The following ZFYVE28 variants were observed in gnomAD, a reference collection of about 807,000 sequenced individuals.
The protein encoded by ZFYVE28 is zinc finger FYVE-type containing 28, also known as lateral signaling target protein 2 homolog.
In ZFYVE28, 40 loss-of-function variants were observed where a neutral mutation model predicts 82.1. That is an observed-to-expected ratio of 0.49 (90% CI 0.38 to 0.63). The LOEUF is 0.63. Among genes scored for constraint, ZFYVE28 ranks in the 30% least tolerant of loss-of-function variants. The pLI is 0.00. For synonymous variants in ZFYVE28, 612 were observed against 546.1 expected, an observed-to-expected ratio of 1.12 and a Z score of -1.68; for missense variants, 1,321 against 1,242.1, an observed-to-expected ratio of 1.06 and a Z score of -0.96.
At chr4:2,301,447 A>G (rs1478792794) in intron 8 of ZFYVE28, among the ~76,000 whole-genome samples, 1 of 152,114 alleles carries the variant, frequency 6.6e-6, no homozygotes, top group Non-Finnish European at 1.5e-5. Context: ...GATCCTCAGC[A>G]CTGCCAGAAA....
chr4:2,296,878 T>C (rs1714652519), intron 8 of ZFYVE28, among the ~76,000 whole-genome samples: 1 of 151,702 alleles, frequency 6.6e-6, no homozygotes, highest in South Asian at 2.1e-4. Flanking sequence ...CTCAGCCTTC[T>C]ACCTGGAGGC....
At chr4:2,330,637 G>C (rs914631900) in intron 6 of ZFYVE28, 5 of 1,388,030 alleles carry the variant, frequency 3.6e-6, no homozygotes. Flanking sequence ...ATAGAGGAGG[G>C]GACAGTGTAG....
rs1285318791 is a variant in ZFYVE28 at position 2,332,337 on chromosome 4, G to T, written c.701+3368C>A. ...CTGCAGAAGTTCCTGCGGCCCCCTG[G>T]TCCTTGCTCGAGCCCTGGACTTGCC... On this transcript the variant is annotated intron_variant, in intron 6 of 12. Transcript: ENST00000290974. The surrounding 1 kb of genome is among the most constrained non-coding windows in gnomAD (Gnocchi z 4.7). 6.6e-6 allele frequency among the ~76,000 whole-genome samples: 1 copy of T among 152,122 alleles called. No homozygotes were observed. The highest frequency in any genetic ancestry group is 1.9e-4 in the East Asian group (1 of 5,198).
intron 7 of ZFYVE28, among the ~76,000 whole-genome samples, chr4:2,308,767 G>C (rs61789419): frequency 0.25 from 37,877 of 151,316 alleles, 5,731 homozygotes; most frequent in Middle Eastern, 0.39. Context: ...GAGAGAAAGA[G>C]GGAGGGAGGA....
intron 2 of ZFYVE28, among the ~76,000 whole-genome samples, chr4:2,352,527 G>A (rs1223342098): frequency 1.3e-5 from 2 of 151,734 alleles, no homozygotes; most frequent in Non-Finnish European, 2.9e-5. Context: ...GCCCGAATCA[G>A]ATGATGCTGA....
intron 6 of ZFYVE28, chr4:2,329,081 T>C (rs1720297663): frequency 2.9e-6 from 2 of 694,902 alleles, no homozygotes; most frequent in Non-Finnish European, 5.3e-6. Context: ...TTTTTCAATA[T>C]TGTTTTGGCT....
At chr4:2,337,059 T>G (rs1721931346) in intron 5 of ZFYVE28, among the ~76,000 whole-genome samples, 4 of 142,956 alleles carry the variant, frequency 2.8e-5, no homozygotes, top group South Asian at 2.3e-4. Flanking sequence ...AGTGAGGGGG[T>G]GAGGAAGGTG....
intron 1 of ZFYVE28, chr4:2,364,618 T>G (rs1450221979): frequency 1.0e-6 from 1 of 985,336 alleles, no homozygotes; most frequent in Non-Finnish European, 1.2e-6. Context: ...TGGCCGCCTG[T>G]CCCCTCTGAT....
At chr4:2,306,220 G>C (rs138090244) in intron 7 of ZFYVE28, among the ~76,000 whole-genome samples, 2 of 152,248 alleles carry the variant, frequency 1.3e-5, no homozygotes, top group African/African-American at 4.8e-5. Context: ...GAAGCTCCTG[G>C]AGCAGGCTCC....
chr4:2,418,383 G>T lies in ZFYVE28; in HGVS notation c.-60C>A, dbSNP rs981568235. ...CTCGCCCTCCGCAGCGCTGCGCCCG[G>T]GCCCGGCTGAGGCGCGGGGCGGACG... On this transcript the variant is annotated 5_prime_UTR_variant, in exon 1 of 13. Coordinates refer to ENST00000290974, the MANE Select transcript of ZFYVE28 (RefSeq NM_020972.3). The surrounding 1 kb of genome is among the most constrained non-coding windows in gnomAD (Gnocchi z 4.6). The T allele has an allele frequency of 2.2e-5, 27 of 1,237,414 alleles. No individual in the cohort carries two copies. The African/African-American group carries it at 2.2e-4, about 10-fold the overall frequency. The allele number at this position is 1,237,414 out of a possible 1,614,324, so 76.7% of individuals were successfully genotyped here.
In ZFYVE28 at chr4:2,271,304, C is replaced by T; in HGVS notation, c.2532+7G>A. On this transcript the variant is annotated splice_region_variant and intron_variant, in intron 12 of 12. Transcript: ENST00000290974. Reference sequence around the variant, plus strand: ...GAGGGACCCTCCGTGCAAGGGGTCTCACCCACCTTCCCACAGCTGCGGCAG... The same window carrying T: ...GAGGGACCCTCCGTGCAAGGGGTCTTACCCACCTTCCCACAGCTGCGGCAG... 1 of 1,612,224 alleles carries T rather than the reference C, an allele frequency of 6.2e-7. No homozygotes were observed. The highest frequency in any genetic ancestry group is 8.5e-7 in the Non-Finnish European group (1 of 1,179,654).
At chr4:2,311,963 A>G (rs1717528919) in intron 7 of ZFYVE28, among the ~76,000 whole-genome samples, 1 of 152,218 alleles carries the variant, frequency 6.6e-6, no homozygotes, top group African/African-American at 2.4e-5. Context: ...TGTTGTTTTA[A>G]TATGTTAAAG....
At position 2,407,270 on chromosome 4, in the gene ZFYVE28, G is replaced by A. The variant is rs191524099; in HGVS notation, c.39+11015C>T. On this transcript the variant is annotated intron_variant, in intron 1 of 12. Transcript: ENST00000290974. ...TGTCTTCCATTTTGCTCTCCTCCAC[G>A]AACGACAGCTTAGCTAAGCCCAGAA... Among the ~76,000 whole-genome samples the A allele has an allele frequency of 1.1e-4, 16 of 152,096 alleles. 1 individual carries two copies. In the South Asian group the frequency reaches 2.5e-3, roughly 24 times the overall value.
intron 8 of ZFYVE28, among the ~76,000 whole-genome samples, chr4:2,283,726 C>T (rs745961959): frequency 3.3e-5 from 5 of 152,160 alleles, no homozygotes; most frequent in Admixed American, 1.3e-4. Flanking sequence ...TTATCACACA[C>T]GGAAAGTGTA....
In ZFYVE28 at chr4:2,304,834, C is replaced by T. The variant is rs971734513; in HGVS notation, c.1506G>A (p.Glu502=). ...TGCCCCCTGTCCGGTGGGCGATCATCTCAGCCGTCTCTGCGTCATCCGCAC... is the reference window on the plus strand; with the variant it reads ...TGCCCCCTGTCCGGTGGGCGATCATTTCAGCCGTCTCTGCGTCATCCGCAC... ...EVGADDAETA[E]MIAHRTGGMK... The change falls in exon 8 of 13, where the codon GAG becomes GAA. Residue 502 remains glutamate, a synonymous_variant. Transcript: ENST00000290974. 2 of 1,612,556 alleles carry T rather than the reference C, an allele frequency of 1.2e-6. No homozygotes were observed. The highest frequency in any genetic ancestry group is 1.7e-6 in the Non-Finnish European group (2 of 1,179,930).
In ZFYVE28 at chr4:2,304,439, C is replaced by T. The variant is rs1339358860; in HGVS notation, c.1901G>A (p.Cys634Tyr). ...CTGGGAACCTGAGGTGTGAGGCAGGCACTTGTCGGAAGTGGGGGCTTTGGG... is the reference window on the plus strand; with the variant it reads ...CTGGGAACCTGAGGTGTGAGGCAGGTACTTGTCGGAAGTGGGGGCTTTGGG... Reference protein sequence around the residue: ...REPKAPTSDKCLPHTSGSQVD... With the variant: ...REPKAPTSDKYLPHTSGSQVD... Residue 634 changes from cysteine (C) to tyrosine (Y), a missense_variant, in exon 8 of 13, where the codon TGC becomes TAC. Physicochemically the swap from Cys to Tyr is radical, Grantham distance 194 (BLOSUM62 -2). This residue lies in a region of ZFYVE28 where 978 missense variants were observed against 833.7 expected (regional missense o/e 1.17). Transcript: ENST00000290974. 1.9e-6 allele frequency: 3 copies of T among 1,613,568 alleles called. No homozygotes were observed. Among genetic ancestry groups the T allele is most frequent in the Non-Finnish European group, 2.5e-6 (3 of 1,179,998 alleles).
At chr4:2,360,021 C>T (rs903979443) in intron 1 of ZFYVE28, among the ~76,000 whole-genome samples, 9 of 152,156 alleles carry the variant, frequency 5.9e-5, no homozygotes, top group Admixed American at 4.6e-4. Flanking sequence ...GACAAGCGCA[C>T]GGCGTCTACA....
intron 1 of ZFYVE28, among the ~76,000 whole-genome samples, chr4:2,400,126 C>T (rs1056167204): frequency 3.3e-5 from 5 of 152,224 alleles, no homozygotes; most frequent in African/African-American, 7.2e-5. Flanking sequence ...CCAGTGGCAT[C>T]GAGAGCCTGC....
intron 8 of ZFYVE28, among the ~76,000 whole-genome samples, chr4:2,296,337 C>T (rs1344852038): frequency 6.6e-6 from 1 of 152,180 alleles, no homozygotes; most frequent in Admixed American, 6.5e-5. Context: ...CTGGGGCCAG[C>T]GAGAGCAAGA....
Sources: allele counts gnomAD v4.1 joint callset (sites outside exome capture counted in the v4.1 genomes callset), GRCh38; gene constraint gnomAD v4.1.1; regional missense constraint gnomAD v4.1.1; non-coding constraint Gnocchi (gnomAD v3.1); transcripts MANE v1.5; gene names NCBI Gene and HGNC (gene_info 2026-07-23, HGNC 2026-07-21).